PDE4B: variants seen among roughly 807,000 people sequenced by gnomAD.
PDE4B encodes phosphodiesterase 4B.
Under a neutral mutation model 82.2 loss-of-function variants are expected in PDE4B, and 20 were observed. The ratio of observed to expected loss-of-function variants is 0.24; its 90% CI spans 0.17 to 0.35. The LOEUF (loss-of-function observed/expected upper bound fraction) is 0.35. Ranked by LOEUF, PDE4B falls within the 10% of genes least tolerant of loss-of-function variation. The pLI is 1.00. For synonymous variants in PDE4B, 320 were observed against 318.9 expected (o/e 1.00, Z -0.04); for missense variants, 655 against 907.2 (o/e 0.72, Z 3.57).
chr1:66,014,705 TG>T lies in PDE4B; in HGVS notation c.281+95872del, dbSNP rs1034659791. Reference sequence around the variant, plus strand: ...TTCTCAACTGGGGGCTCTTTTCTCCTGGCGAGAACATTTAGCAGTAGGTGGG... The same window carrying T: ...TTCTCAACTGGGGGCTCTTTTCTCCTGCGAGAACATTTAGCAGTAGGTGGG... On this transcript the variant is annotated intron_variant, in intron 3 of 16. Transcript: ENST00000341517. Among the ~76,000 whole-genome samples, 8 of 152,302 alleles carry T rather than the reference TG, an allele frequency of 5.3e-5. No homozygotes were observed. In the East Asian group the frequency reaches 7.7e-4, roughly 15 times the overall value.
At position 66,260,669 on chromosome 1, in the gene PDE4B, G is replaced by A. The variant is rs78860337; in HGVS notation, c.584+2806G>A. Among the ~76,000 whole-genome samples the A allele has an allele frequency of 3.2e-3, 480 of 152,238 alleles. 1 individual carries two copies. The highest frequency in any genetic ancestry group is 0.011 in the African/African-American group (458 of 41,532). Reference sequence around the variant, plus strand: ...ATGGGTTTGAAGGTTTTTTACCTCTGTTAGTAGTATCAGAACATTCAGCCC... The same window carrying A: ...ATGGGTTTGAAGGTTTTTTACCTCTATTAGTAGTATCAGAACATTCAGCCC... On this transcript the variant is annotated intron_variant, in intron 6 of 16. Transcript: ENST00000341517.
intron 3 of PDE4B, among the ~76,000 whole-genome samples, chr1:66,132,367 T>G (rs1037242642): frequency 1.3e-5 from 2 of 152,210 alleles, no homozygotes; most frequent in Non-Finnish European, 2.9e-5. Flanking sequence ...TTAGGTTTCT[T>G]TTTTATTTGT....
intron 3 of PDE4B, among the ~76,000 whole-genome samples, chr1:66,052,848 G>A (rs1655112789): frequency 1.3e-5 from 2 of 152,146 alleles, no homozygotes; most frequent in Admixed American, 1.3e-4. Context: ...GGTTTCCTCT[G>A]AGAATCCAGA....
At chr1:66,357,809 A>C (rs1662377744) in intron 9 of PDE4B, among the ~76,000 whole-genome samples, 1 of 152,110 alleles carries the variant, frequency 6.6e-6, no homozygotes. Flanking sequence ...TAAAATGGGA[A>C]CACTGGTATA....
chr1:66,006,210 C>A (rs1430941399), intron 3 of PDE4B, among the ~76,000 whole-genome samples: 4 of 152,144 alleles, frequency 2.6e-5, no homozygotes, highest in Non-Finnish European at 5.9e-5. Context: ...TACAGCTTTG[C>A]TGCATTTGTG....
intron 3 of PDE4B, among the ~76,000 whole-genome samples, chr1:66,189,962 G>A (rs1647609065): frequency 6.6e-6 from 1 of 152,098 alleles, no homozygotes; most frequent in Non-Finnish European, 1.5e-5. Flanking sequence ...CATCTTTGTG[G>A]TTTTATCTAC....
chr1:66,156,113 A>G (rs1646496760), intron 3 of PDE4B, among the ~76,000 whole-genome samples: 1 of 152,230 alleles, frequency 6.6e-6, no homozygotes, highest in South Asian at 2.1e-4. Flanking sequence ...TTACCTTAAT[A>G]TAGTAAACAT....
rs1254792641 is a variant in PDE4B at position 65,875,595 on chromosome 1, T to C, written c.-70-37650T>C. On this transcript the variant is annotated intron_variant, in intron 1 of 16. Coordinates refer to ENST00000341517, the MANE Select transcript of PDE4B (RefSeq NM_002600.4). ...GACTGGATTAAGAAAATGTGGCACA[T>C]ATACACCATGGAATACTATGCAGCC... 3.9e-3 allele frequency among the ~76,000 whole-genome samples: 566 copies of C among 145,982 alleles called. 1 individual carries two copies. The highest frequency in any genetic ancestry group is 5.8e-3 in the Non-Finnish European group (384 of 66,642).
chr1:66,369,673 G>A (rs1473077893), intron 16 of PDE4B, among the ~76,000 whole-genome samples: 1 of 152,168 alleles, frequency 6.6e-6, no homozygotes, highest in Admixed American at 6.5e-5. Flanking sequence ...TTGAGAATGA[G>A]TTCATAGACT....
chr1:66,053,361 C>A (rs1190066264), intron 3 of PDE4B, among the ~76,000 whole-genome samples: 1 of 152,122 alleles, frequency 6.6e-6, no homozygotes. Flanking sequence ...TAAGAATCTG[C>A]AAGTTTAAGT....
chr1:66,198,511 A>G (rs76734868), intron 3 of PDE4B, among the ~76,000 whole-genome samples: 3,858 of 152,254 alleles, frequency 0.025, 67 homozygotes, highest in Middle Eastern at 0.095. Context: ...AGAAACTACA[A>G]TAGAAATACA....
intron 3 of PDE4B, among the ~76,000 whole-genome samples, chr1:66,155,087 C>A (rs1020719367): frequency 5.9e-5 from 9 of 152,070 alleles, no homozygotes; most frequent in Admixed American, 3.3e-4. Context: ...TCTGATCCTG[C>A]CACTGCACTC....
chr1:66,148,103 G>C (rs1570343636), intron 3 of PDE4B, among the ~76,000 whole-genome samples: 1 of 151,910 alleles, frequency 6.6e-6, no homozygotes. Flanking sequence ...AACCCTGTGT[G>C]TACTAAAAAT....
chr1:65,832,654 T>C (rs1016619104), intron 1 of PDE4B, among the ~76,000 whole-genome samples: 1 of 152,140 alleles, frequency 6.6e-6, no homozygotes, highest in Non-Finnish European at 1.5e-5. Context: ...AGATTATAAC[T>C]TGGGAAAGTA....
At chr1:66,343,455 A>G (rs1661168194) in intron 8 of PDE4B, among the ~76,000 whole-genome samples, 1 of 152,128 alleles carries the variant, frequency 6.6e-6, no homozygotes, top group Non-Finnish European at 1.5e-5. Context: ...ACCCTCCCTT[A>G]GCTATTCTAA....
chr1:66,172,287 T>A (rs1233094466), intron 3 of PDE4B, among the ~76,000 whole-genome samples: 1 of 152,242 alleles, frequency 6.6e-6, no homozygotes, highest in Non-Finnish European at 1.5e-5. Context: ...GACTTCATTT[T>A]TTCTTATGGC....
At chr1:66,322,939 G>A (rs1366128457) in intron 7 of PDE4B, among the ~76,000 whole-genome samples, 1 of 152,128 alleles carries the variant, frequency 6.6e-6, no homozygotes, top group African/African-American at 2.4e-5. Flanking sequence ...AAATGGCAAA[G>A]CCAGATATCA....
chr1:66,130,502 C>G (rs1475445399), intron 3 of PDE4B, among the ~76,000 whole-genome samples: 1 of 152,044 alleles, frequency 6.6e-6, no homozygotes, highest in Non-Finnish European at 1.5e-5. Flanking sequence ...ACCTCACAGA[C>G]CCCCACTTAA....
chr1:65,815,789 C>T (rs1471938200), intron 1 of PDE4B, among the ~76,000 whole-genome samples: 2 of 152,078 alleles, frequency 1.3e-5, no homozygotes, highest in African/African-American at 4.8e-5. Context: ...ATCCTACTCT[C>T]TTCAAAGAAT....
Sources: gnomAD v4.1 joint callset for allele counts (sites outside exome capture counted in the v4.1 genomes callset) on GRCh38, gnomAD v4.1.1 for gene constraint, MANE v1.5 for transcripts, NCBI Gene and HGNC (gene_info 2026-07-23, HGNC 2026-07-21) for gene names.